The following KDM2A variants were observed in gnomAD, a reference collection of about 807,000 sequenced individuals.
The protein encoded by KDM2A is lysine demethylase 2A.
A neutral mutation model predicts 137.3 loss-of-function variants in KDM2A; 3 were observed. That is an observed-to-expected ratio of 0.02 (90% CI 0.01 to 0.06). The LOEUF is 0.06. Among genes scored for constraint, KDM2A ranks in the 10% least tolerant of loss-of-function variants. The pLI, the probability that KDM2A is intolerant of heterozygous loss-of-function variation, is 1.00. For missense variants in KDM2A, 738 were observed against 1,510.6 expected, an observed-to-expected ratio of 0.49 and a Z score of 8.48; for synonymous variants, 512 against 541.5, an observed-to-expected ratio of 0.95 and a Z score of 0.76.
At chr11:67,187,326 A>G (rs1044869790) in intron 5 of KDM2A, among the ~76,000 whole-genome samples, 2 of 152,174 alleles carry the variant, frequency 1.3e-5, no homozygotes, top group African/African-American at 4.8e-5. Context: ...ATATAAGTGG[A>G]TTAAATTCCC....
At chr11:67,188,823 C>T (rs1366850110) in intron 5 of KDM2A, among the ~76,000 whole-genome samples, 3 of 149,908 alleles carry the variant, frequency 2.0e-5, no homozygotes, top group African/African-American at 7.4e-5. Context: ...TTTCAAGAGG[C>T]AAAGACATAT....
intron 6 of KDM2A, among the ~76,000 whole-genome samples, chr11:67,209,316 C>T (rs1206216332): frequency 6.6e-6 from 1 of 152,012 alleles, no homozygotes; most frequent in Non-Finnish European, 1.5e-5. Flanking sequence ...ATTTAGCCTT[C>T]TTATTAGCCT....
intron 6 of KDM2A, among the ~76,000 whole-genome samples, chr11:67,214,163 C>T (rs1032999239): frequency 2.0e-5 from 3 of 150,322 alleles, no homozygotes; most frequent in African/African-American, 7.4e-5. Context: ...GCCTCAGCCT[C>T]CCAAGTAGCT....
chr11:67,225,639 G>A (rs557868822), intron 10 of KDM2A, among the ~76,000 whole-genome samples: 4 of 151,810 alleles, frequency 2.6e-5, no homozygotes, highest in East Asian at 3.9e-4. Flanking sequence ...GTGTGGTGGC[G>A]CATGCCTGTA....
intron 2 of KDM2A, among the ~76,000 whole-genome samples, chr11:67,151,337 C>T (rs980150281): frequency 5.3e-5 from 8 of 151,892 alleles, no homozygotes; most frequent in Admixed American, 1.3e-4. Context: ...AAACTATACA[C>T]ACCACATATT....
At position 67,181,856 on chromosome 11, in the gene KDM2A, C is replaced by T; in HGVS notation, c.271C>T (p.Pro91Ser). 3.1e-6 allele frequency: 5 copies of T among 1,613,706 alleles called. No individual in the cohort carries two copies. The highest frequency in any genetic ancestry group is 1.3e-5 in the African/African-American group (1 of 75,010). The change falls in exon 5 of 21, where the codon CCA becomes TCA. Residue 91 changes from proline (P) to serine (S), a missense_variant. By Grantham distance (74) the Pro-to-Ser change is moderately conservative. This residue lies in a region of KDM2A where 74 missense variants were observed against 181.8 expected (regional missense o/e 0.41). Coordinates refer to ENST00000529006, the MANE Select transcript of KDM2A (RefSeq NM_012308.3). Reference sequence around the variant, plus strand: ...GTGTTTGTTTCATAGAATGCCGGATCCAGACTTCACTGTGAATGATGTCAA... The same window carrying T: ...GTGTTTGTTTCATAGAATGCCGGATTCAGACTTCACTGTGAATGATGTCAA... ...SDGLGIKMPD[P>S]DFTVNDVKMC... is the part of the protein sequence containing the mutation.
chr11:67,166,243 G>A (rs1459474814), intron 2 of KDM2A, among the ~76,000 whole-genome samples: 1 of 149,280 alleles, frequency 6.7e-6, no homozygotes, highest in Non-Finnish European at 1.5e-5. Context: ...GGAGTGCAGT[G>A]GTGTGATCTC....
chr11:67,247,674 C>T (rs1859291718), intron 15 of KDM2A, among the ~76,000 whole-genome samples: 1 of 152,088 alleles, frequency 6.6e-6, no homozygotes, highest in African/African-American at 2.4e-5. Flanking sequence ...ATTTCCCCAC[C>T]TTGGCCTCCC....
rs759948645 is a variant in KDM2A, at chr11:67,254,160, A to G, written c.3092-43A>G. ...GCCTGGAGCCTTGAAGCTGGATTAGAGAATTGAGAGTTTTGATCTAGGCTC... is the reference window on the plus strand; with the variant it reads ...GCCTGGAGCCTTGAAGCTGGATTAGGGAATTGAGAGTTTTGATCTAGGCTC... On this transcript the variant is annotated intron_variant, in intron 19 of 20. Coordinates refer to ENST00000529006, the MANE Select transcript of KDM2A (RefSeq NM_012308.3). The surrounding 1 kb of genome is among the most constrained non-coding windows in gnomAD (Gnocchi z 4.7). The G allele has an allele frequency of 6.4e-7, 1 of 1,560,382 alleles. No homozygotes were observed. The highest frequency in any genetic ancestry group is 8.8e-7 in the Non-Finnish European group (1 of 1,142,358).
chr11:67,218,032 GGTTTTGTTT>G lies in KDM2A; in HGVS notation c.841+158_841+166del. On this transcript the variant is annotated intron_variant, in intron 9 of 20. Coordinates refer to ENST00000529006, the MANE Select transcript of KDM2A (RefSeq NM_012308.3). The stretch of plus-strand genomic sequence containing the variant: ...CCTGTCATTATGGAATAGATGCTGA[GGTTTTGTTT>G]GTTTTGTTTTCAGTTTGAAAAGGCA... The G allele has an allele frequency of 1.0e-5, 8 of 766,682 alleles. No homozygotes were observed. The South Asian group carries it at 1.6e-4, about 15-fold the overall frequency. 47.5% of individuals were successfully genotyped at this position (766,682 alleles called of 1,614,324 possible). A position where few individuals can be genotyped will look rare whatever the true frequency, so the allele number is the denominator to read the frequency against.
intron 2 of KDM2A, among the ~76,000 whole-genome samples, chr11:67,178,710 A>G (rs1857022702): frequency 6.6e-6 from 1 of 152,146 alleles, no homozygotes; most frequent in Non-Finnish European, 1.5e-5. Flanking sequence ...ATGTCATGGC[A>G]CATAGCGTTA....
chr11:67,135,473 G>A (rs897526582), intron 2 of KDM2A, among the ~76,000 whole-genome samples: 2 of 152,098 alleles, frequency 1.3e-5, no homozygotes, highest in African/African-American at 4.8e-5. Flanking sequence ...GCTGAAGACC[G>A]CATGATCACT....
Position 67,255,545 on chromosome 11 carries a change from C to T in KDM2A, c.*490C>T, listed in dbSNP as rs1182377656. 2.2e-6 allele frequency: 1 copy of T among 456,868 alleles called. No individual in the cohort carries two copies. Among genetic ancestry groups the T allele is most frequent in the Admixed American group, 2.3e-5 (1 of 42,588 alleles). The allele number at this position is 456,868 out of a possible 1,614,324, so 28.3% of individuals were successfully genotyped here. Reference sequence around the variant, plus strand: ...CTCTCCCGGCTTGCGCAGGAGGGGCCAGCAGCCCCAGGAGTCCCAGACCCG... The same window carrying T: ...CTCTCCCGGCTTGCGCAGGAGGGGCTAGCAGCCCCAGGAGTCCCAGACCCG... On this transcript the variant is annotated 3_prime_UTR_variant, in exon 21 of 21. Coordinates refer to ENST00000529006, the MANE Select transcript of KDM2A (RefSeq NM_012308.3).
At position 67,224,461 on chromosome 11, in the gene KDM2A, C is replaced by CTTTTTTTT. The variant is rs35180780; in HGVS notation, c.958-3561_958-3554dup. ...GTCCGTACCAAAAATTAACCCCTTT[C>CTTTTTTTT]TTTTTTTTTTTTTTTTTTTTTTGAG... On this transcript the variant is annotated intron_variant, in intron 10 of 20. Coordinates refer to ENST00000529006, the MANE Select transcript of KDM2A (RefSeq NM_012308.3). 1.0e-3 allele frequency among the ~76,000 whole-genome samples: 98 copies of CTTTTTTTT among 95,160 alleles called. 3 individuals carry two copies. The highest frequency in any genetic ancestry group is 3.7e-3 in the African/African-American group (81 of 22,182). 62.4% of individuals were successfully genotyped at this position (95,160 alleles called of 152,430 possible). A position where few individuals can be genotyped will look rare whatever the true frequency, so the allele number is the denominator to read the frequency against.
At position 67,254,861 on chromosome 11, in the gene KDM2A, A is replaced by G. The variant is rs935561396; in HGVS notation, c.3308-13A>G. Reference sequence around the variant, plus strand: ...GTATGTGAGCACTGTCATTATGTCCACTTTCCCGACAGGTTGCAATAAATT... The same window carrying G: ...GTATGTGAGCACTGTCATTATGTCCGCTTTCCCGACAGGTTGCAATAAATT... On this transcript the variant is annotated splice_polypyrimidine_tract_variant and intron_variant, in intron 20 of 20. Transcript: ENST00000529006. This position sits in a 1 kb window ranked among gnomAD's most constrained non-coding sequence, Gnocchi z 4.7. The G allele has an allele frequency of 1.2e-6, 2 of 1,612,354 alleles. No individual in the cohort carries two copies. The highest frequency in any genetic ancestry group is 8.5e-7 in the Non-Finnish European group (1 of 1,178,566).
intron 12 of KDM2A, among the ~76,000 whole-genome samples, chr11:67,238,916 G>T (rs2136438162): frequency 6.6e-6 from 1 of 152,336 alleles, no homozygotes; most frequent in East Asian, 1.9e-4. Context: ...CTCAACCAGA[G>T]TGTGCACCCT....
chr11:67,229,144 T>A (rs1421740894), intron 11 of KDM2A, among the ~76,000 whole-genome samples: 1 of 152,234 alleles, frequency 6.6e-6, no homozygotes, highest in African/African-American at 2.4e-5. Context: ...ATTTATGAAA[T>A]TCTTATTATT....
intron 2 of KDM2A, among the ~76,000 whole-genome samples, chr11:67,153,396 C>T (rs980375143): frequency 5.9e-5 from 9 of 152,006 alleles, no homozygotes; most frequent in Non-Finnish European, 1.2e-4. Context: ...TTTTAGACAC[C>T]CTGGCTCCCA....
At chr11:67,226,574 T>C (rs373445768) in intron 10 of KDM2A, among the ~76,000 whole-genome samples, 1 of 152,014 alleles carries the variant, frequency 6.6e-6, no homozygotes, top group African/African-American at 2.4e-5. Context: ...TACAAAAAAT[T>C]AGCCGGGCGT....
Sources: allele counts gnomAD v4.1 joint callset (sites outside exome capture counted in the v4.1 genomes callset), GRCh38; gene constraint gnomAD v4.1.1; regional missense constraint gnomAD v4.1.1; non-coding constraint Gnocchi (gnomAD v3.1); transcripts MANE v1.5; gene names NCBI Gene and HGNC (gene_info 2026-07-23, HGNC 2026-07-21).